The following CCDC57 variants were observed in gnomAD, a reference collection of about 807,000 sequenced individuals.
The protein encoded by CCDC57 is coiled-coil domain-containing protein 57.
A neutral mutation model predicts 118.9 loss-of-function variants in CCDC57; 118 were observed. The ratio of observed to expected loss-of-function variants is 0.99; its 90% CI spans 0.86 to 1.16. The LOEUF (loss-of-function observed/expected upper bound fraction) is 1.16. CCDC57 is among the 50% of genes most tolerant of loss of function. The pLI is 0.00. For missense variants in CCDC57, 1,300 were observed against 1,320.7 expected, an observed-to-expected ratio of 0.98 and a Z score of 0.24; for synonymous variants, 527 against 532.9, an observed-to-expected ratio of 0.99 and a Z score of 0.15.
intron 14 of CCDC57, among the ~76,000 whole-genome samples, chr17:82,158,296 G>A (rs565224735): frequency 6.6e-6 from 1 of 150,612 alleles, no homozygotes; most frequent in Admixed American, 6.6e-5. Context: ...GTAACCGGTA[G>A]GAGGTGTTGA....
At chr17:82,120,184 TGCAGAGATG>T (rs2036488724) in intron 19 of CCDC57, among the ~76,000 whole-genome samples, 1 of 151,792 alleles carries the variant, frequency 6.6e-6, no homozygotes, top group African/African-American at 2.4e-5. Flanking sequence ...ATTTTTTTTT[TGCAGAGATG>T]TTGCCCAGGC....
intron 13 of CCDC57, among the ~76,000 whole-genome samples, chr17:82,165,677 G>A (rs1483096828): frequency 6.6e-6 from 1 of 152,172 alleles, no homozygotes; most frequent in East Asian, 1.9e-4. Context: ...AAGGAGGTCT[G>A]CGTGAAGACC....
chr17:82,172,781 G>T lies in CCDC57; in HGVS notation c.1586C>A (p.Thr529Lys), dbSNP rs549600847. 5.6e-6 allele frequency: 9 copies of T among 1,613,208 alleles called. No individual in the cohort carries two copies. The Admixed American group carries it at 1.5e-4, about 27-fold the overall frequency. Residue 529 changes from threonine to lysine, a missense_variant, in exon 12 of 20, where the codon ACG (threonine) becomes AAG (lysine). Coordinates refer to ENST00000665763, the Ensembl canonical transcript of CCDC57. The surrounding 1 kb of genome is among the most constrained non-coding windows in gnomAD (Gnocchi z 5.2). ...CTGGGCAATCGCGTTTCGCAAGCTC[G>T]TGTTCTGCTCTCGGAGCCGCTGGAT...
chr17:82,179,629 G>A (rs545513634), intron 9 of CCDC57, among the ~76,000 whole-genome samples: 66 of 152,170 alleles, frequency 4.3e-4, no homozygotes, highest in African/African-American at 1.3e-3. Context: ...GCCACGGGGC[G>A]GGCGGGGATG....
chr17:82,193,657 G>A, intron 7 of CCDC57, 99 bp downstream of exon 6: 1 of 1,039,348 alleles, frequency 9.6e-7, no homozygotes, highest in African/African-American at 1.6e-5. Flanking sequence ...CCCTGGAGTG[G>A]GACCCTCTGC....
At chr17:82,127,977 A>G (rs1042112546) in intron 18 of CCDC57, 69 bp from the exon 18 acceptor site, 21 of 1,574,110 alleles carry the variant, frequency 1.3e-5, no homozygotes, top group African/African-American at 5.5e-5. Flanking sequence ...ACTCCCCCCA[A>G]CCACTCCCCT....
chr17:82,149,885 GCACACCCAGAACCAGGCA>G (rs1208390458), intron 16 of CCDC57, among the ~76,000 whole-genome samples: 17 of 137,600 alleles, frequency 1.2e-4, no homozygotes, highest in African/African-American at 3.6e-4. Flanking sequence ...AGAACCTGGC[GCACACCCAGAACCAGGCA>G]CACACCCAGA....
At chr17:82,135,727 G>A (rs1373648059) in intron 16 of CCDC57, among the ~76,000 whole-genome samples, 1 of 152,008 alleles carries the variant, frequency 6.6e-6, no homozygotes, top group Non-Finnish European at 1.5e-5. Context: ...GCCCACTATG[G>A]GATCCCGCCT....
chr17:82,149,652 A>C (rs1331310560), intron 16 of CCDC57, among the ~76,000 whole-genome samples: 1 of 152,024 alleles, frequency 6.6e-6, no homozygotes, highest in Non-Finnish European at 1.5e-5. Context: ...CCCGCTCACA[A>C]GAGGGGCTTC....
At chr17:82,117,187 CA>C in intron 19 of CCDC57, among the ~76,000 whole-genome samples, 1 of 146,954 alleles carries the variant, frequency 6.8e-6, no homozygotes, top group South Asian at 2.2e-4. Context: ...CCCATCTCTA[CA>C]AAAAAAATAA....
rs1199080742 is a variant in CCDC57, at chr17:82,212,808, G to T, written c.-234C>A. ...ACCCTAACGCCCGCCAGCAGCGCTGGCCAGGTCCCGCCGCGTTGCCACAGC... is the reference window on the plus strand; with the variant it reads ...ACCCTAACGCCCGCCAGCAGCGCTGTCCAGGTCCCGCCGCGTTGCCACAGC... On this transcript the variant is annotated 5_prime_UTR_variant, in exon 1 of 20. Transcript: ENST00000665763. This position sits in a 1 kb window ranked among gnomAD's most constrained non-coding sequence, Gnocchi z 4.1. 3 of 148,432 alleles carry T rather than the reference G, an allele frequency of 2.0e-5. No individual in the cohort carries two copies. The highest frequency in any genetic ancestry group is 7.5e-5 in the African/African-American group (3 of 39,962). The allele number at this position is 148,432 out of a possible 1,614,324, so 9.2% of individuals were successfully genotyped here.
In CCDC57 at chr17:82,212,391, TCC is replaced by T. The variant is rs758282863; in HGVS notation, c.-211+392_-211+393del. Among the ~76,000 whole-genome samples the T allele has an allele frequency of 3.4e-3, 469 of 137,938 alleles. 7 individuals carry two copies. Among genetic ancestry groups the T allele is most frequent in the Middle Eastern group, 7.9e-3 (2 of 254 alleles). 90.5% of individuals were successfully genotyped at this position (137,938 alleles called of 152,430 possible). A position where few individuals can be genotyped will look rare whatever the true frequency, so the allele number is the denominator to read the frequency against. ...AACCACCGCCTCCGGCCTTTTTTTT[TCC>T]TCTCTTTTTTTTTTTTTTTTTTTAA... is the stretch of plus-strand genomic sequence containing the variant. On this transcript the variant is annotated intron_variant, in intron 1 of 19. Coordinates refer to ENST00000665763, the Ensembl canonical transcript of CCDC57. This position sits in a 1 kb window ranked among gnomAD's most constrained non-coding sequence, Gnocchi z 4.1.
chr17:82,200,714 A>T (rs1599437348), intron 3 of CCDC57, among the ~76,000 whole-genome samples: 3 of 151,852 alleles, frequency 2.0e-5, no homozygotes, highest in African/African-American at 7.3e-5. Flanking sequence ...AATCACTTGA[A>T]CCCGGGAGAT....
At chr17:82,161,333 A>G (rs1399476334) in intron 14 of CCDC57, among the ~76,000 whole-genome samples, 1 of 152,060 alleles carries the variant, frequency 6.6e-6, no homozygotes, top group Admixed American at 6.5e-5. Context: ...GTCTGGGGAA[A>G]ACAGCACGGT....
At chr17:82,149,254 TGGATG>T (rs1397822170) in intron 16 of CCDC57, among the ~76,000 whole-genome samples, 1 of 70,916 alleles carries the variant, frequency 1.4e-5, no homozygotes, top group Non-Finnish European at 2.8e-5. Context: ...GATGGATGGA[TGGATG>T]GGGGGGGTGG....
chr17:82,150,856 CGCACACCCAGAACCTGGT>C (rs2041881727), intron 16 of CCDC57, among the ~76,000 whole-genome samples: 1 of 117,756 alleles, frequency 8.5e-6, no homozygotes, highest in Non-Finnish European at 1.7e-5. Context: ...CAGAACCAGG[CGCACACCCAGAACCTGGT>C]GCACACCCAG....
At chr17:82,160,614 C>A (rs1392303364) in intron 14 of CCDC57, among the ~76,000 whole-genome samples, 2 of 152,020 alleles carry the variant, frequency 1.3e-5, no homozygotes, top group Non-Finnish European at 2.9e-5. Context: ...GTGGCTCATA[C>A]CTGTAATCCT....
intron 13 of CCDC57, among the ~76,000 whole-genome samples, chr17:82,170,062 G>A (rs575009228): frequency 1.9e-4 from 29 of 152,288 alleles, no homozygotes; most frequent in Non-Finnish European, 3.8e-4. Context: ...AGGGGCTGTC[G>A]AAAGGCCAAT....
chr17:82,163,455 G>C (rs1035503305), intron 13 of CCDC57, 98 bp from the exon 13 acceptor site: 7 of 1,449,844 alleles, frequency 4.8e-6, no homozygotes, highest in Non-Finnish European at 6.5e-6. Context: ...TTTCCCGTGA[G>C]GCCATGGCAC....
Sources: gnomAD v4.1 joint callset for allele counts (sites outside exome capture counted in the v4.1 genomes callset) on GRCh38, gnomAD v4.1.1 for gene constraint, Gnocchi (gnomAD v3.1) non-coding constraint, MANE v1.5 for transcripts, NCBI Gene and HGNC (gene_info 2026-07-23, HGNC 2026-07-21) for gene names.